APLF: variants seen among roughly 807,000 people sequenced by gnomAD.
APLF encodes aprataxin and PNK-like factor.
In APLF, 61 loss-of-function variants were observed where a neutral mutation model predicts 55.6. That is an observed-to-expected ratio of 1.10 (90% CI 0.89 to 1.36). APLF has a LOEUF of 1.36. APLF is among the 40% of genes most tolerant of loss of function. The pLI is 0.00. For synonymous variants in APLF, 207 were observed against 214.8 expected (o/e 0.96, Z 0.32); for missense variants, 611 against 602.5 (o/e 1.01, Z -0.15).
chr2:68,506,881 G>GA (rs968887528), intron 3 of APLF, among the ~76,000 whole-genome samples: 20 of 151,484 alleles, frequency 1.3e-4, no homozygotes, highest in Admixed American at 4.6e-4. Flanking sequence ...AATGTTGAGG[G>GA]AAAAAACCCA....
intron 3 of APLF, among the ~76,000 whole-genome samples, chr2:68,506,243 C>T (rs780692081): frequency 3.0e-5 from 4 of 135,176 alleles, no homozygotes; most frequent in African/African-American, 1.5e-4. Context: ...GATGAGTTAA[C>T]CCTAGTTATT....
rs386390398 is a variant in APLF, at chr2:68,525,742, C to CTTTT, written c.623-297_623-294dup. Among the ~76,000 whole-genome samples the CTTTT allele has an allele frequency of 4.3e-3, 352 of 81,936 alleles. 20 individuals carry two copies. The highest frequency in any genetic ancestry group is 0.017 in the African/African-American group (273 of 16,130). The allele number at this position is 81,936 out of a possible 152,430, so 53.8% of individuals were successfully genotyped here. On this transcript the variant is annotated intron_variant, in intron 5 of 9. Coordinates refer to ENST00000303795, the MANE Select transcript of APLF (RefSeq NM_173545.3). ...TTTATCCTTTTTATTTTCTTTCTTT[C>CTTTT]TTTTTTTTTTTTTTTTTTTTTTTTT...
intron 6 of APLF, among the ~76,000 whole-genome samples, chr2:68,530,585 ATG>A (rs1670226847): frequency 6.6e-6 from 1 of 152,214 alleles, no homozygotes; most frequent in African/African-American, 2.4e-5. Flanking sequence ...TCTTCCTGGA[ATG>A]TGTCTAGAAA....
At chr2:68,496,998 A>T (rs988243075) in intron 2 of APLF, among the ~76,000 whole-genome samples, 7 of 152,188 alleles carry the variant, frequency 4.6e-5, no homozygotes, top group African/African-American at 1.7e-4. Flanking sequence ...ACACTTTTAC[A>T]TATCTTCATA....
chr2:68,563,115 T>C, intron 8 of APLF: 3 of 985,272 alleles, frequency 3.0e-6, no homozygotes, highest in East Asian at 2.3e-4. Context: ...CAGTGTCCAG[T>C]TGAAAAACAC....
chr2:68,472,938 C>T (rs1171759706), intron 1 of APLF, among the ~76,000 whole-genome samples: 1 of 152,144 alleles, frequency 6.6e-6, no homozygotes, highest in Non-Finnish European at 1.5e-5. Flanking sequence ...TCTCTGCCCT[C>T]TTACATGTAC....
At chr2:68,551,939 T>G (rs1670879091) in intron 8 of APLF, among the ~76,000 whole-genome samples, 1 of 152,028 alleles carries the variant, frequency 6.6e-6, no homozygotes, top group African/African-American at 2.4e-5. Flanking sequence ...AGTCAGAAAT[T>G]TAGATAGATA....
At chr2:68,524,111 A>G (rs1157242245) in intron 5 of APLF, among the ~76,000 whole-genome samples, 1 of 152,144 alleles carries the variant, frequency 6.6e-6, no homozygotes, top group Non-Finnish European at 1.5e-5. Flanking sequence ...CAGCAATACC[A>G]CTAGTTCAGT....
At chr2:68,555,037 T>C (rs78842659) in intron 8 of APLF, among the ~76,000 whole-genome samples, 13,948 of 151,968 alleles carry the variant, frequency 0.092, 1,878 homozygotes, top group African/African-American at 0.3. Context: ...TCAACAAAGA[T>C]GTTTGTGTTT....
intron 1 of APLF, among the ~76,000 whole-genome samples, chr2:68,489,761 C>A (rs1002661675): frequency 5.3e-5 from 8 of 152,148 alleles, no homozygotes; most frequent in African/African-American, 1.9e-4. Context: ...TTACCAGATC[C>A]TCGAGCATGG....
At chr2:68,482,957 G>C (rs1318197793) in intron 1 of APLF, among the ~76,000 whole-genome samples, 1 of 151,572 alleles carries the variant, frequency 6.6e-6, no homozygotes, top group Non-Finnish European at 1.5e-5. Flanking sequence ...GCCAGCCTGG[G>C]GTTGACTTCC....
At chr2:68,519,629 T>C (rs942907418) in intron 5 of APLF, among the ~76,000 whole-genome samples, 18 of 150,076 alleles carry the variant, frequency 1.2e-4, no homozygotes, top group African/African-American at 2.9e-4. Flanking sequence ...CATACAGAGA[T>C]GTTATTGACA....
At chr2:68,488,356 G>C (rs1462280752) in intron 1 of APLF, among the ~76,000 whole-genome samples, 2 of 148,556 alleles carry the variant, frequency 1.3e-5, no homozygotes, top group African/African-American at 5.0e-5. Context: ...TTTGAGGCAG[G>C]GTCTCACCGT....
intron 1 of APLF, among the ~76,000 whole-genome samples, chr2:68,485,059 A>G (rs946479770): frequency 6.6e-6 from 1 of 152,104 alleles, no homozygotes; most frequent in Non-Finnish European, 1.5e-5. Context: ...ATATGTCAAC[A>G]TGTGTCACCT....
intron 1 of APLF, among the ~76,000 whole-genome samples, chr2:68,489,506 T>C (rs1676290285): frequency 6.6e-6 from 1 of 152,226 alleles, no homozygotes; most frequent in Admixed American, 6.5e-5. Flanking sequence ...TGCAAACAAT[T>C]TTTGAACTTT....
chr2:68,516,237 A>G (rs754412705), intron 5 of APLF, among the ~76,000 whole-genome samples: 10 of 151,776 alleles, frequency 6.6e-5, no homozygotes, highest in African/African-American at 2.4e-4. Context: ...GTACTAAGGC[A>G]TATCACTGTA....
At position 68,578,012 on chromosome 2, in the gene APLF, A is replaced by G. The variant is rs1671666387; in HGVS notation, c.1526A>G (p.Lys509Arg). The G allele has an allele frequency of 6.2e-7, 1 of 1,609,436 alleles. No individual in the cohort carries two copies. Among genetic ancestry groups the G allele is most frequent in the East Asian group, 2.2e-5 (1 of 44,718 alleles). ...ELLKEAKRFM[K>R]RK ...TTGAAAGAAGCAAAAAGGTTTATGA[A>G]AAGAAAATAGTAACTAACTTCTGTA... The change falls in exon 10 of 10, where the codon AAA becomes AGA. Residue 509 changes from lysine to arginine, a missense_variant. Transcript: ENST00000303795.
At chr2:68,520,878 A>G (rs140571776) in intron 5 of APLF, among the ~76,000 whole-genome samples, 1 of 151,778 alleles carries the variant, frequency 6.6e-6, no homozygotes, top group African/African-American at 2.4e-5. Flanking sequence ...TTTGATGAGA[A>G]TTTCATTGAA....
intron 9 of APLF, among the ~76,000 whole-genome samples, chr2:68,570,608 G>A (rs1671432217): frequency 2.6e-5 from 4 of 152,138 alleles, no homozygotes; most frequent in Admixed American, 2.0e-4. Flanking sequence ...CCATGTCCCT[G>A]CAAAGGACAT....
Sources: gnomAD v4.1 joint callset for allele counts (sites outside exome capture counted in the v4.1 genomes callset) on GRCh38, gnomAD v4.1.1 for gene constraint, MANE v1.5 for transcripts, NCBI Gene and HGNC (gene_info 2026-07-23, HGNC 2026-07-21) for gene names.